TPPP: variants seen among roughly 807,000 people sequenced by gnomAD.
TPPP encodes tubulin polymerization-promoting protein.
A neutral mutation model predicts 15.5 loss-of-function variants in TPPP; 6 were observed. The observed-to-expected ratio is 0.39, with a 90% CI of 0.21 to 0.77. TPPP has a LOEUF of 0.77. Among genes scored for constraint, TPPP ranks in the 30% least tolerant of loss-of-function variants. The pLI is 0.42. For synonymous variants in TPPP, 146 were observed against 133.9 expected, an observed-to-expected ratio of 1.09 and a Z score of -0.63; for missense variants, 269 against 307.2, an observed-to-expected ratio of 0.88 and a Z score of 0.93.
chr5:677,784 C>T lies in TPPP; in HGVS notation c.277G>A (p.Val93Ile), dbSNP rs371009510. 3.7e-5 allele frequency: 59 copies of T among 1,591,728 alleles called. No individual in the cohort carries two copies. Among genetic ancestry groups the T allele is most frequent in the East Asian group, 1.8e-4 (8 of 44,546 alleles). The change falls in exon 2 of 4, where the codon GTC becomes ATC. Residue 93 changes from valine to isoleucine, a missense_variant. By Grantham distance (29) the Val-to-Ile change is conservative (BLOSUM62 3). Transcript: ENST00000360578. ...CTGAAGACGATGTCCACGTCAGTGA[C>T]GGTCACGTTCCTGCCGTCGATCACC... Reference protein sequence around the residue: ...CQVIDGRNVTVTDVDIVFSKI... With the variant: ...CQVIDGRNVTITDVDIVFSKI...
At chr5:682,664 T>G (rs1283033411) in intron 1 of TPPP, among the ~76,000 whole-genome samples, 6 of 152,070 alleles carry the variant, frequency 3.9e-5, no homozygotes, top group East Asian at 1.9e-4. Context: ...AGCCTGTAAC[T>G]AGGGCCTGGG....
At chr5:671,866 T>C (rs1008970933) in intron 2 of TPPP, among the ~76,000 whole-genome samples, 5 of 152,000 alleles carry the variant, frequency 3.3e-5, no homozygotes, top group African/African-American at 1.2e-4. Flanking sequence ...CAGGGTTGGG[T>C]GTGGGGAGTG....
At chr5:669,655 G>A (rs766426894) in intron 2 of TPPP, among the ~76,000 whole-genome samples, 11 of 152,132 alleles carry the variant, frequency 7.2e-5, no homozygotes, top group Non-Finnish European at 1.5e-4. Context: ...TGAGTCACTC[G>A]GCGGGAGGGG....
chr5:697,410 G>A (rs551696760), upstream of TPPP, among the ~76,000 whole-genome samples: 3 of 151,458 alleles, frequency 2.0e-5, no homozygotes, highest in South Asian at 6.3e-4. Flanking sequence ...CAACAGGACA[G>A]CGTGCTGGGA....
At chr5:671,526 G>A (rs1326887380) in intron 2 of TPPP, among the ~76,000 whole-genome samples, 1 of 152,386 alleles carries the variant, frequency 6.6e-6, no homozygotes, top group East Asian at 1.9e-4. Flanking sequence ...ATGGGGCAAA[G>A]TGGACAGCCA....
chr5:669,517 G>C (rs1363515956), intron 2 of TPPP, among the ~76,000 whole-genome samples: 1 of 152,154 alleles, frequency 6.6e-6, no homozygotes, highest in Admixed American at 6.5e-5. Context: ...GCCGTCAAAG[G>C]CTCTCCTGTC....
In TPPP at chr5:670,178, CT is replaced by C. The variant is rs542132579; in HGVS notation, c.312-4056del. The stretch of plus-strand genomic sequence containing the variant: ...TCAGGCCAGGACAGCCCTCCGAGGA[CT>C]GAGGCCTGTTCCTCCGGGGCGGACG... On this transcript the variant is annotated intron_variant, in intron 2 of 3. Transcript: ENST00000360578. Among the ~76,000 whole-genome samples, 49 of 152,298 alleles carry C rather than the reference CT, an allele frequency of 3.2e-4. No homozygotes were observed. The East Asian group carries it at 8.3e-3, about 26-fold the overall frequency.
At chr5:685,146 C>T (rs1002291219) in intron 1 of TPPP, among the ~76,000 whole-genome samples, 2 of 152,152 alleles carry the variant, frequency 1.3e-5, no homozygotes, top group Non-Finnish European at 2.9e-5. Flanking sequence ...GAGGTCATCA[C>T]TCTTGAGAGT....
intron 2 of TPPP, among the ~76,000 whole-genome samples, chr5:666,459 C>T (rs534295841): frequency 8.5e-5 from 13 of 152,338 alleles, no homozygotes; most frequent in African/African-American, 2.6e-4. Flanking sequence ...CCAGCTGCGC[C>T]GGGAGCTGGG....
At chr5:697,815 T>C (rs1238926853), upstream of TPPP, among the ~76,000 whole-genome samples, 2 of 149,116 alleles carry the variant, frequency 1.3e-5, 1 homozygote, top group Non-Finnish European at 3.0e-5. Context: ...AGAGGGGGGA[T>C]ATCTCTCTAA....
chr5:665,885 A>G (rs1228958319), intron 3 of TPPP, 85 bp downstream of exon 3: 4 of 177,078 alleles, frequency 2.3e-5, no homozygotes, highest in East Asian at 1.2e-3. Context: ...GTCCCTCCTG[A>G]CCACCCCTCC....
In TPPP at chr5:664,737, C is replaced by G. The variant is rs879059586; in HGVS notation, c.*365G>C. The G allele has an allele frequency of 4.5e-6, 1 of 222,484 alleles. No homozygotes were observed. Among genetic ancestry groups the G allele is most frequent in the Non-Finnish European group, 9.0e-6 (1 of 111,624 alleles). 13.8% of individuals were successfully genotyped at this position (222,484 alleles called of 1,614,324 possible). A position where few individuals can be genotyped will look rare whatever the true frequency, so the allele number is the denominator to read the frequency against. On this transcript the variant is annotated 3_prime_UTR_variant, in exon 4 of 4. Transcript: ENST00000360578. Reference sequence around the variant, plus strand: ...CTCAGGGCTCCTGGAAGGTGTCTGCCGCTCAGGAGGTCAGCACAGCCTCCT... The same window carrying G: ...CTCAGGGCTCCTGGAAGGTGTCTGCGGCTCAGGAGGTCAGCACAGCCTCCT...
intron 2 of TPPP, among the ~76,000 whole-genome samples, chr5:672,151 C>T (rs1740244794): frequency 6.6e-6 from 1 of 152,196 alleles, no homozygotes; most frequent in African/African-American, 2.4e-5. Context: ...GACTTTAGGA[C>T]AAAGTGTCCT....
At chr5:692,273 CT>C (rs1740904576) in intron 1 of TPPP, among the ~76,000 whole-genome samples, 1 of 134,432 alleles carries the variant, frequency 7.4e-6, no homozygotes, top group Non-Finnish European at 1.6e-5. Flanking sequence ...TCCCAACCCC[CT>C]ATCAAAACAG....
At chr5:685,634 G>A (rs1437394620) in intron 1 of TPPP, among the ~76,000 whole-genome samples, 1 of 152,216 alleles carries the variant, frequency 6.6e-6, no homozygotes, top group East Asian at 1.9e-4. Flanking sequence ...GATGGCTGCG[G>A]AGGAGCTTCT....
At chr5:673,133 C>T (rs1740281202) in intron 2 of TPPP, among the ~76,000 whole-genome samples, 2 of 151,892 alleles carry the variant, frequency 1.3e-5, no homozygotes, top group South Asian at 2.1e-4. Flanking sequence ...CAGTGGGCAC[C>T]CCCTCCCCAA....
At chr5:694,306 C>T (rs909221163), upstream of TPPP, among the ~76,000 whole-genome samples, 6 of 148,618 alleles carry the variant, frequency 4.0e-5, no homozygotes, top group African/African-American at 2.4e-5. Context: ...CATAGGGGCA[C>T]CTGCCCTGGA....
intron 2 of TPPP, among the ~76,000 whole-genome samples, chr5:673,080 C>T (rs941970467): frequency 5.6e-4 from 85 of 152,270 alleles, no homozygotes; most frequent in African/African-American, 1.3e-3. Context: ...CACTTCCTCA[C>T]GGTCCCCAAG....
Position 670,490 on chromosome 5 carries a change from C to T in TPPP, c.312-4367G>A, listed in dbSNP as rs531700619. Among the ~76,000 whole-genome samples, 6 of 152,214 alleles carry T rather than the reference C, an allele frequency of 3.9e-5. No individual in the cohort carries two copies. In the East Asian group the frequency reaches 9.7e-4, roughly 25 times the overall value. ...GCTGCGGCTCCCCCAGGGCACCAAC[C>T]TCTGGGATCTTCCATTAGCCCCTGA... On this transcript the variant is annotated intron_variant, in intron 2 of 3. Transcript: ENST00000360578.
Sources: allele counts gnomAD v4.1 joint callset (sites outside exome capture counted in the v4.1 genomes callset), GRCh38; gene constraint gnomAD v4.1.1; transcripts MANE v1.5; gene names NCBI Gene and HGNC (gene_info 2026-07-23, HGNC 2026-07-21).